Variants in ELL observed in about 807,000 individuals in gnomAD.
ELL encodes the protein elongation factor for RNA polymerase II.
In ELL, 18 loss-of-function variants were observed where a neutral mutation model predicts 64.0. That is an observed-to-expected ratio of 0.28 (90% CI 0.19 to 0.42). ELL has a LOEUF of 0.42. Among genes scored for constraint, ELL ranks in the 10% least tolerant of loss-of-function variants. The pLI is 1.00. For synonymous variants in ELL, 399 were observed against 376.2 expected (o/e 1.06, Z -0.70); for missense variants, 797 against 870.4 (o/e 0.92, Z 1.06).
chr19:18,507,620 C>T (rs1975910026), intron 1 of ELL, among the ~76,000 whole-genome samples: 1 of 152,246 alleles, frequency 6.6e-6, no homozygotes, highest in Non-Finnish European at 1.5e-5. Flanking sequence ...GTTTATGGTG[C>T]ACCTCCCCGC....
At chr19:18,502,913 T>C (rs1293826569) in intron 1 of ELL, among the ~76,000 whole-genome samples, 1 of 152,134 alleles carries the variant, frequency 6.6e-6, no homozygotes, top group Non-Finnish European at 1.5e-5. Context: ...CCAGCAGAGC[T>C]TCGGTTATTA....
chr19:18,492,421 T>C (rs113123171), intron 1 of ELL, among the ~76,000 whole-genome samples: 10 of 152,300 alleles, frequency 6.6e-5, no homozygotes, highest in African/African-American at 1.9e-4. Context: ...TTTCCTTCCA[T>C]TTGAAACATA....
At position 18,444,622 on chromosome 19, in the gene ELL, G is replaced by A; in HGVS notation, c.*130C>T. Reference sequence around the variant, plus strand: ...ACCCGCCAGGGCCAGACGTCTGCAGGGGCTGCCCTGAAAGCCGGCGGTGCT... The same window carrying A: ...ACCCGCCAGGGCCAGACGTCTGCAGAGGCTGCCCTGAAAGCCGGCGGTGCT... On this transcript the variant is annotated 3_prime_UTR_variant, in exon 12 of 12. Transcript: ENST00000262809. The A allele has an allele frequency of 4.9e-6, 5 of 1,014,650 alleles. No individual in the cohort carries two copies. Among genetic ancestry groups the A allele is most frequent in the Non-Finnish European group, 7.1e-6 (5 of 703,892 alleles). 62.9% of individuals were successfully genotyped at this position (1,014,650 alleles called of 1,614,324 possible).
intron 5 of ELL, among the ~76,000 whole-genome samples, chr19:18,459,412 C>G (rs894044502): frequency 1.3e-5 from 2 of 152,194 alleles, no homozygotes; most frequent in Non-Finnish European, 2.9e-5. Flanking sequence ...GTGGGTGCTG[C>G]GTGCTGGCCT....
Position 18,482,308 on chromosome 19 carries a change from CTTTTT to C in ELL, c.136-9431_136-9427del, listed in dbSNP as rs530594631. Among the ~76,000 whole-genome samples, 33 of 77,564 alleles carry C rather than the reference CTTTTT, an allele frequency of 4.3e-4. 1 individual carries two copies. The highest frequency in any genetic ancestry group is 5.2e-4 in the Non-Finnish European group (23 of 43,876). The allele number at this position is 77,564 out of a possible 152,430, so 50.9% of individuals were successfully genotyped here. On this transcript the variant is annotated intron_variant, in intron 1 of 11. Transcript: ENST00000262809. Reference sequence around the variant, plus strand: ...TAGTCCATGGCTTGTCTTTTCATTCCTTTTTTTTTTTTTTTTTTTTTTTTTTTTAA... The same window carrying C: ...TAGTCCATGGCTTGTCTTTTCATTCCTTTTTTTTTTTTTTTTTTTTTTTAA...
intron 1 of ELL, among the ~76,000 whole-genome samples, chr19:18,519,721 C>T (rs988790132): frequency 4.6e-5 from 7 of 151,052 alleles, no homozygotes; most frequent in African/African-American, 1.2e-4. Flanking sequence ...GCAGGAGAAT[C>T]GCTTGAACCC....
intron 2 of ELL, among the ~76,000 whole-genome samples, chr19:18,467,154 G>C (rs1327131392): frequency 1.3e-5 from 2 of 152,282 alleles, no homozygotes; most frequent in East Asian, 1.9e-4. Context: ...CCCAAGACAA[G>C]AACAGTTCCT....
intron 1 of ELL, among the ~76,000 whole-genome samples, chr19:18,496,766 C>T (rs973829579): frequency 6.6e-6 from 1 of 152,146 alleles, no homozygotes; most frequent in African/African-American, 2.4e-5. Flanking sequence ...GGCTGTGGCC[C>T]GTCATACCAA....
intron 5 of ELL, among the ~76,000 whole-genome samples, chr19:18,461,292 G>C (rs537375755): frequency 1.3e-5 from 2 of 152,206 alleles, no homozygotes. Flanking sequence ...CAGGCCCCAC[G>C]GCCCGTGTGT....
chr19:18,468,085 C>A (rs888409714), intron 2 of ELL, among the ~76,000 whole-genome samples: 2 of 148,728 alleles, frequency 1.3e-5, no homozygotes, highest in Non-Finnish European at 3.0e-5. Context: ...CCAAACCCCT[C>A]CACACACAAA....
At chr19:18,510,890 G>A (rs536878801) in intron 1 of ELL, among the ~76,000 whole-genome samples, 2 of 152,300 alleles carry the variant, frequency 1.3e-5, no homozygotes, top group African/African-American at 4.8e-5. Context: ...GGGAGGCCGA[G>A]GTGGACAGAT....
intron 1 of ELL, among the ~76,000 whole-genome samples, chr19:18,510,754 G>A (rs922796135): frequency 1.3e-5 from 2 of 152,188 alleles, no homozygotes; most frequent in African/African-American, 2.4e-5. Context: ...CCTTGTGCAC[G>A]GCTGGTGGGA....
intron 2 of ELL, among the ~76,000 whole-genome samples, chr19:18,470,012 C>T (rs566912125): frequency 6.6e-6 from 1 of 152,382 alleles, no homozygotes; most frequent in African/African-American, 2.4e-5. Flanking sequence ...CCAAAGCTAA[C>T]AGCCCACTAA....
intron 11 of ELL, 102 bp downstream of exon 11, chr19:18,445,122 A>G: frequency 1.3e-6 from 2 of 1,510,536 alleles, no homozygotes; most frequent in Non-Finnish European, 1.8e-6. Flanking sequence ...CTCTTCCCCC[A>G]CACCTTGGAA....
intron 6 of ELL, among the ~76,000 whole-genome samples, chr19:18,456,045 C>T (rs1003396665): frequency 1.3e-4 from 20 of 151,280 alleles, no homozygotes; most frequent in Non-Finnish European, 2.2e-4. Context: ...TGCTGTGAGC[C>T]GAGATCGCGC....
chr19:18,520,581 G>GACCCCTTC (rs1178084903), intron 1 of ELL, among the ~76,000 whole-genome samples: 2 of 152,116 alleles, frequency 1.3e-5, no homozygotes, highest in African/African-American at 4.8e-5. Context: ...GAAGGGGTGG[G>GACCCCTTC]CACCGGGAGA....
chr19:18,447,737 T>G (rs528355891), intron 8 of ELL, among the ~76,000 whole-genome samples: 16 of 152,252 alleles, frequency 1.1e-4, no homozygotes, highest in African/African-American at 3.6e-4. Context: ...GTGGCTTTCT[T>G]TCCGATACAG....
intron 1 of ELL, among the ~76,000 whole-genome samples, chr19:18,488,550 ACGGG>A (rs1289113062): frequency 7.2e-5 from 11 of 152,162 alleles, no homozygotes; most frequent in Non-Finnish European, 1.6e-4. Context: ...CCCAGCATCC[ACGGG>A]GCGGGGGCTA....
At chr19:18,465,064 G>C (rs1168891189) in intron 4 of ELL, among the ~76,000 whole-genome samples, 1 of 152,204 alleles carries the variant, frequency 6.6e-6, no homozygotes, top group African/African-American at 2.4e-5. Flanking sequence ...GGAGCCTGTT[G>C]ATCTCCCTGA....
Sources: gnomAD v4.1 joint callset for allele counts (sites outside exome capture counted in the v4.1 genomes callset) on GRCh38, gnomAD v4.1.1 for gene constraint, MANE v1.5 for transcripts, NCBI Gene and HGNC (gene_info 2026-07-23, HGNC 2026-07-21) for gene names.